The following ARL14EPL variants were observed in gnomAD, a reference collection of about 807,000 sequenced individuals.
ARL14EPL encodes the protein ARF like GTPase 14 effector protein like.
Under a neutral mutation model 15.9 loss-of-function variants are expected in ARL14EPL, and 17 were observed. The observed-to-expected ratio is 1.07, with a 90% confidence interval of 0.73 to 1.60. The LOEUF (loss-of-function observed/expected upper bound fraction) is 1.60. Ranked by LOEUF, ARL14EPL falls within the 40% of genes most tolerant of loss-of-function variation. The pLI is 0.00. For synonymous variants in ARL14EPL, 78 were observed against 63.8 expected (o/e 1.22, Z -1.06); for missense variants, 214 against 185.9 (o/e 1.15, Z -0.88).
In ARL14EPL at chr5:116,045,760, GTGTGTGTGTGTGTGTGTGTGTA is replaced by G. The variant is rs763622644; in HGVS notation, c.-9-5691_-9-5670del. On this transcript the variant is annotated intron_variant, in intron 1 of 3. Transcript: ENST00000686077. ...GACCCACAGAAGTGTGTGTGTGTGT[GTGTGTGTGTGTGTGTGTGTGTA>G]TGTGTACGAAAATACAACTACAAAA... Among the ~76,000 whole-genome samples the G allele has an allele frequency of 1.1e-3, 112 of 97,640 alleles. 4 individuals are homozygous for G. In the South Asian group the frequency reaches 0.036, roughly 32 times the overall value. 64.1% of individuals were successfully genotyped at this position (97,640 alleles called of 152,430 possible). A position where few individuals can be genotyped will look rare whatever the true frequency, so the allele number is the denominator to read the frequency against.
intron 1 of ARL14EPL, among the ~76,000 whole-genome samples, chr5:116,045,426 G>A (rs968087280): frequency 6.6e-6 from 1 of 152,116 alleles, no homozygotes; most frequent in Non-Finnish European, 1.5e-5. Flanking sequence ...TGGTGGAGGG[G>A]GGTAAACAGA....
chr5:116,040,796 C>T (rs1300083227), intron 1 of ARL14EPL, among the ~76,000 whole-genome samples: 5 of 146,968 alleles, frequency 3.4e-5, no homozygotes, highest in Middle Eastern at 6.8e-3. Flanking sequence ...CGGTGAAACC[C>T]CGTCTCTACT....
intron 1 of ARL14EPL, among the ~76,000 whole-genome samples, chr5:116,050,600 C>T (rs920588528): frequency 3.3e-5 from 5 of 152,100 alleles, no homozygotes; most frequent in Non-Finnish European, 4.4e-5. Flanking sequence ...AACATGATAA[C>T]GCCTAACTCT....
chr5:116,039,718 T>G (rs993510584), intron 1 of ARL14EPL, among the ~76,000 whole-genome samples: 2 of 152,170 alleles, frequency 1.3e-5, no homozygotes, highest in African/African-American at 4.8e-5. Flanking sequence ...CTTAGTTCTT[T>G]GAGAAGATGA....
intron 1 of ARL14EPL, among the ~76,000 whole-genome samples, chr5:116,041,395 C>G (rs1429560239): frequency 1.3e-5 from 2 of 152,134 alleles, no homozygotes; most frequent in Non-Finnish European, 2.9e-5. Flanking sequence ...GGGGAAAACA[C>G]TGAAGTAGTT....
At chr5:116,035,462 T>C (rs1561575458) in intron 1 of ARL14EPL, among the ~76,000 whole-genome samples, 1 of 152,184 alleles carries the variant, frequency 6.6e-6, no homozygotes, top group East Asian at 1.9e-4. Flanking sequence ...CTATAGTTGG[T>C]CAGGAAATCA....
chr5:116,041,850 A>G (rs1431490430), intron 1 of ARL14EPL, among the ~76,000 whole-genome samples: 4 of 151,946 alleles, frequency 2.6e-5, no homozygotes, highest in Non-Finnish European at 5.9e-5. Flanking sequence ...TTTTTTTGAG[A>G]CAGGGTTTCA....
Position 116,058,815 on chromosome 5 carries a change from C to G in ARL14EPL, c.327C>G (p.Phe109Leu). Residue 109 changes from phenylalanine (F) to leucine (L), a missense_variant, in exon 4 of 4, where the codon TTC becomes TTG. By Grantham distance (22) the Phe-to-Leu change is conservative (BLOSUM62 0). Transcript: ENST00000686077. ...TAGAGAAGAACTGCCTGGGCTGCTT[C>G]TACCCATGCCCGAAGTGTAACTCCA... ...DCLEKNCLGC[F>L]YPCPKCNSNK... 1 of 1,536,108 alleles carries G rather than the reference C, an allele frequency of 6.5e-7. No individual in the cohort carries two copies. The highest frequency in any genetic ancestry group is 8.7e-7 in the Non-Finnish European group (1 of 1,146,908).
chr5:116,057,909 T>A (rs535374946), intron 3 of ARL14EPL, among the ~76,000 whole-genome samples: 1 of 152,312 alleles, frequency 6.6e-6, no homozygotes, highest in African/African-American at 2.4e-5. Context: ...TACAGAGGTA[T>A]TTTTGTTGTT....
intron 3 of ARL14EPL, 94 bp from the exon 4 acceptor site, chr5:116,058,631 A>G (rs1467217715): frequency 7.4e-6 from 9 of 1,209,594 alleles, no homozygotes; most frequent in Non-Finnish European, 9.3e-6. Context: ...TCAGGGTAAA[A>G]TGGTCATGTG....
intron 2 of ARL14EPL, among the ~76,000 whole-genome samples, chr5:116,052,550 C>T (rs755535829): frequency 6.6e-6 from 1 of 152,322 alleles, no homozygotes; most frequent in South Asian, 2.1e-4. Flanking sequence ...GGCTTGAGCA[C>T]AGGCAGGTGA....
rs536604942 is a variant in ARL14EPL at position 116,056,699 on chromosome 5, G to A, written c.237-2026G>A. Among the ~76,000 whole-genome samples the A allele has an allele frequency of 7.9e-5, 12 of 152,312 alleles. No homozygotes were observed. The East Asian group carries it at 2.3e-3, about 29-fold the overall frequency. On this transcript the variant is annotated intron_variant, in intron 3 of 3. Transcript: ENST00000686077. ...GTCTTTTGTTGCCATTGCTTTTGAT[G>A]TTTTAGACATGAAGTTCTTGCCCAT...
intron 2 of ARL14EPL, chr5:116,051,767 G>C: frequency 2.8e-6 from 2 of 708,916 alleles, no homozygotes; most frequent in Non-Finnish European, 4.6e-6. Context: ...TCCACCTCCT[G>C]TGTACCCTGA....
chr5:116,047,787 A>C (rs1749301728), intron 1 of ARL14EPL, among the ~76,000 whole-genome samples: 1 of 123,166 alleles, frequency 8.1e-6, no homozygotes, highest in African/African-American at 2.8e-5. Flanking sequence ...GGGTGGAGGA[A>C]AAGTTAGAGT....
chr5:116,039,573 G>A (rs1012952289), intron 1 of ARL14EPL, among the ~76,000 whole-genome samples: 7 of 151,900 alleles, frequency 4.6e-5, no homozygotes, highest in East Asian at 1.9e-4. Context: ...TTTATATCCC[G>A]AAATGCTCAC....
At chr5:116,034,792 T>C (rs1454019271) in intron 1 of ARL14EPL, among the ~76,000 whole-genome samples, 1 of 152,214 alleles carries the variant, frequency 6.6e-6, no homozygotes, top group Non-Finnish European at 1.5e-5. Flanking sequence ...ACCAGACTAA[T>C]TTTGTTTGTT....
At chr5:116,045,745 AGTGTGTGT>A (rs56960751) in intron 1 of ARL14EPL, among the ~76,000 whole-genome samples, 186 of 148,726 alleles carry the variant, frequency 1.3e-3, no homozygotes, top group African/African-American at 4.1e-3. Context: ...GACCCACAGA[AGTGTGTGT>A]GTGTGTGTGT....
intron 1 of ARL14EPL, among the ~76,000 whole-genome samples, chr5:116,044,642 A>G (rs78741625): frequency 6.6e-6 from 1 of 152,082 alleles, no homozygotes; most frequent in Non-Finnish European, 1.5e-5. Flanking sequence ...TTAACTCTAG[A>G]TTAACTGATT....
intron 3 of ARL14EPL, among the ~76,000 whole-genome samples, chr5:116,056,884 G>A (rs1749529657): frequency 6.6e-6 from 1 of 152,140 alleles, no homozygotes; most frequent in Non-Finnish European, 1.5e-5. Context: ...AGTTTTCCCA[G>A]CACCATTTGT....
Sources: gnomAD v4.1 joint callset for allele counts (sites outside exome capture counted in the v4.1 genomes callset) on GRCh38, gnomAD v4.1.1 for gene constraint, MANE v1.5 for transcripts, NCBI Gene and HGNC (gene_info 2026-07-23, HGNC 2026-07-21) for gene names.